Variants in PDE4D observed in about 807,000 individuals in gnomAD.
The protein encoded by PDE4D is phosphodiesterase 4D.
Under a neutral mutation model 87.4 loss-of-function variants are expected in PDE4D, and 24 were observed. The ratio of observed to expected loss-of-function variants is 0.27; its 90% CI spans 0.20 to 0.39. The LOEUF (loss-of-function observed/expected upper bound fraction) is 0.39, where lower values mean the gene tolerates loss of function less well. PDE4D is among the 10% of genes least tolerant of loss of function. PDE4D has a pLI of 1.00. For missense variants in PDE4D, 714 were observed against 1,041.0 expected (o/e 0.69, Z 4.32); for synonymous variants, 384 against 383.2 (o/e 1.00, Z -0.02).
chr5:59,215,947 T>A lies in PDE4D; in HGVS notation c.477A>T (p.Thr159=), dbSNP rs1270257282. 1.2e-6 allele frequency: 2 copies of A among 1,612,256 alleles called. No homozygotes were observed. Among genetic ancestry groups the A allele is most frequent in the Non-Finnish European group, 1.7e-6 (2 of 1,178,870 alleles). The change falls in exon 2 of 15, where the codon ACA becomes ACT. Residue 159 remains threonine (T), a synonymous_variant. Transcript: ENST00000340635. ...GATCCAAGGGACTCCGTCCCGCAGA[T>A]GTGCCATTGTCCACATCAAAACTGT... is the stretch of plus-strand genomic sequence containing the variant. ...GLRRFDVDNG[T]SAGRSPLDPM...
intron 2 of PDE4D, among the ~76,000 whole-genome samples, chr5:60,065,328 ATTTAT>A (rs1047099013): frequency 5.3e-5 from 8 of 151,750 alleles, no homozygotes; most frequent in Non-Finnish European, 7.4e-5. Context: ...ATGATCTATT[ATTTAT>A]TTTATGTATA....
At chr5:59,432,771 G>C (rs1209225464) in intron 1 of PDE4D, among the ~76,000 whole-genome samples, 1 of 152,110 alleles carries the variant, frequency 6.6e-6, no homozygotes, top group Non-Finnish European at 1.5e-5. Flanking sequence ...AGCTTAGAAA[G>C]GCTTTGCACA....
intron 1 of PDE4D, among the ~76,000 whole-genome samples, chr5:60,311,018 C>CT (rs67263352): frequency 0.072 from 10,010 of 139,640 alleles, 1,057 homozygotes; most frequent in African/African-American, 0.24. Context: ...TAAAATAAGT[C>CT]TTTTTTTTTT....
chr5:59,523,360 T>C (rs1317747438), intron 1 of PDE4D, among the ~76,000 whole-genome samples: 1 of 152,256 alleles, frequency 6.6e-6, no homozygotes, highest in Non-Finnish European at 1.5e-5. Flanking sequence ...TTCTAAGATA[T>C]TACGCAAACT....
rs138235855 is a variant in PDE4D at position 59,906,227 on chromosome 5, C to T, written c.272+82261G>A. Among the ~76,000 whole-genome samples, 7 of 152,194 alleles carry T rather than the reference C, an allele frequency of 4.6e-5. No homozygotes were observed. In the East Asian group the frequency reaches 1.2e-3, roughly 25 times the overall value. On this transcript the variant is annotated intron_variant, in intron 3 of 16. Coordinates refer to the PDE4D transcript ENST00000502484. ...AGCCACTATTTAGGTACCTCCAAAG[C>T]GTTTTACATTTCTTTAGTTAAAGAA...
At chr5:60,303,712 C>T (rs558645091) in intron 1 of PDE4D, among the ~76,000 whole-genome samples, 6 of 152,056 alleles carry the variant, frequency 3.9e-5, no homozygotes, top group Non-Finnish European at 8.8e-5. Flanking sequence ...GTTTTACTTC[C>T]GGTTATGTGA....
At chr5:59,877,945 C>T (rs1748859957) in intron 1 of PDE4D, among the ~76,000 whole-genome samples, 1 of 152,170 alleles carries the variant, frequency 6.6e-6, no homozygotes, top group East Asian at 1.9e-4. Context: ...GACACACAAA[C>T]ATCCACACAT....
chr5:60,334,671 C>T (rs76884783), intron 1 of PDE4D, among the ~76,000 whole-genome samples: 2 of 151,850 alleles, frequency 1.3e-5, no homozygotes, highest in Admixed American at 1.3e-4. Context: ...CAAGCCACTG[C>T]CCCCGAGAGC....
chr5:59,675,735 G>T (rs1425760271), intron 1 of PDE4D, among the ~76,000 whole-genome samples: 1 of 150,772 alleles, frequency 6.6e-6, no homozygotes, highest in African/African-American at 2.5e-5. Flanking sequence ...TGTCACCCAG[G>T]CTGGAGTGCA....
intron 1 of PDE4D, among the ~76,000 whole-genome samples, chr5:59,773,216 AT>A (rs1763751391): frequency 2.0e-5 from 3 of 152,258 alleles, no homozygotes; most frequent in Middle Eastern, 3.4e-3. Flanking sequence ...TCGTACTACA[AT>A]TTTAGAGATG....
chr5:59,249,861 ATG>A (rs567153916), intron 1 of PDE4D, among the ~76,000 whole-genome samples: 1 of 151,618 alleles, frequency 6.6e-6, no homozygotes, highest in African/African-American at 2.4e-5. Context: ...GTGTGTGTAT[ATG>A]TGTGTGTGTA....
At chr5:59,195,626 C>T (rs1262424416) in intron 2 of PDE4D, among the ~76,000 whole-genome samples, 2 of 152,220 alleles carry the variant, frequency 1.3e-5, no homozygotes, top group Non-Finnish European at 2.9e-5. Context: ...CTGCCACATA[C>T]TAGGTGTGTG....
chr5:60,454,905 G>C (rs1011296427), intron 1 of PDE4D, among the ~76,000 whole-genome samples: 1 of 151,976 alleles, frequency 6.6e-6, no homozygotes, highest in Admixed American at 6.6e-5. Context: ...GTAAACAAGA[G>C]AGAAGGGGTG....
At chr5:60,091,361 G>A (rs192064125) in intron 2 of PDE4D, among the ~76,000 whole-genome samples, 20 of 152,130 alleles carry the variant, frequency 1.3e-4, no homozygotes, top group Middle Eastern at 3.4e-3. Context: ...CATACAAATG[G>A]CTAATGAGTG....
chr5:59,704,457 C>T (rs62370499), intron 1 of PDE4D, among the ~76,000 whole-genome samples: 4,536 of 152,270 alleles, frequency 0.03, 107 homozygotes, highest in Non-Finnish European at 0.046. Flanking sequence ...TATCAGGGGA[C>T]ACCTTTGTCA....
intron 1 of PDE4D, among the ~76,000 whole-genome samples, chr5:59,783,973 G>A (rs1354143883): frequency 6.6e-6 from 1 of 152,156 alleles, no homozygotes; most frequent in South Asian, 2.1e-4. Flanking sequence ...TGGGAAGATG[G>A]TTTCAGCCTG....
intron 1 of PDE4D, among the ~76,000 whole-genome samples, chr5:59,335,063 T>G (rs1389664532): frequency 6.6e-6 from 1 of 152,168 alleles, no homozygotes; most frequent in Non-Finnish European, 1.5e-5. Flanking sequence ...TTTCCTGGGA[T>G]CTTTACTTCT....
chr5:59,319,630 G>A (rs987477291), intron 1 of PDE4D, among the ~76,000 whole-genome samples: 1 of 152,060 alleles, frequency 6.6e-6, no homozygotes, highest in South Asian at 2.1e-4. Flanking sequence ...TAACAACAGA[G>A]TCTCTATAAA....
In PDE4D at chr5:59,038,888, G is replaced by T; in HGVS notation, c.892C>A (p.His298Asn). 1 of 1,589,418 alleles carries T rather than the reference G, an allele frequency of 6.3e-7. No individual in the cohort carries two copies. The highest frequency in any genetic ancestry group is 8.6e-7 in the Non-Finnish European group (1 of 1,167,892). Residue 298 changes from histidine to asparagine, a missense_variant, in exon 6 of 15, where the codon CAC becomes AAC. His to Asn is a moderately conservative substitution (Grantham distance 68). This residue lies in a region of PDE4D where 90 missense variants were observed against 177.6 expected (regional missense o/e 0.51). Coordinates refer to ENST00000340635, the MANE Select transcript of PDE4D (RefSeq NM_001104631.2). Reference sequence around the variant, plus strand: ...TTGGAGGCCATCTCACTGACGGAGTGCCTGGTCTGTAGGGTCTCTAGCTGG... The same window carrying T: ...TTGGAGGCCATCTCACTGACGGAGTTCCTGGTCTGTAGGGTCTCTAGCTGG... ...LDQLETLQTR[H>N]SVSEMASNKF...
Sources: allele counts gnomAD v4.1 joint callset (sites outside exome capture counted in the v4.1 genomes callset), GRCh38; gene constraint gnomAD v4.1.1; regional missense constraint gnomAD v4.1.1; transcripts MANE v1.5; gene names NCBI Gene and HGNC (gene_info 2026-07-23, HGNC 2026-07-21).